The following ZNF385D variants were observed in gnomAD, a reference collection of about 807,000 sequenced individuals.
The protein encoded by ZNF385D is zinc finger protein 659.
ZNF385D carries 15 observed loss-of-function variants against 35.8 expected under a neutral mutation model. That is an observed-to-expected ratio of 0.42 (90% CI 0.28 to 0.64). The LOEUF (loss-of-function observed/expected upper bound fraction) is 0.64, where lower values mean the gene tolerates loss of function less well. ZNF385D is among the 30% of genes least tolerant of loss of function. The pLI, the probability that ZNF385D is intolerant of heterozygous loss-of-function variation, is 0.23. For synonymous variants in ZNF385D, 212 were observed against 186.8 expected, an observed-to-expected ratio of 1.13 and a Z score of -1.10; for missense variants, 474 against 494.6, an observed-to-expected ratio of 0.96 and a Z score of 0.39.
At chr3:22,090,271 T>C (rs1559360928) in intron 3 of ZNF385D, among the ~76,000 whole-genome samples, 1 of 152,206 alleles carries the variant, frequency 6.6e-6, no homozygotes, top group Non-Finnish European at 1.5e-5. Context: ...CTATGCTTCA[T>C]TGCAGTGCTG....
intron 5 of ZNF385D, among the ~76,000 whole-genome samples, chr3:21,426,579 T>G (rs1701038066): frequency 6.6e-6 from 1 of 152,188 alleles, no homozygotes; most frequent in African/African-American, 2.4e-5. Flanking sequence ...CATGTGTTTT[T>G]TCTGTGACAT....
intron 2 of ZNF385D, among the ~76,000 whole-genome samples, chr3:21,611,400 AAAAC>A (rs1341703805): frequency 3.9e-5 from 6 of 152,170 alleles, no homozygotes; most frequent in Admixed American, 6.5e-5. Flanking sequence ...GGGAAAAGCA[AAAAC>A]AAACAAACAA....
chr3:22,204,989 A>T (rs1481479014), intron 2 of ZNF385D, among the ~76,000 whole-genome samples: 8 of 151,596 alleles, frequency 5.3e-5, no homozygotes, highest in African/African-American at 1.9e-4. Flanking sequence ...CAAAAAAAAA[A>T]AAAAAAAAAA....
At chr3:21,474,514 GT>G (rs1237096344) in intron 4 of ZNF385D, among the ~76,000 whole-genome samples, 2 of 152,074 alleles carry the variant, frequency 1.3e-5, no homozygotes, top group Non-Finnish European at 2.9e-5. Flanking sequence ...CAAACACATT[GT>G]TTGGAGGTGA....
At chr3:21,567,754 G>T (rs1182194711) in intron 2 of ZNF385D, among the ~76,000 whole-genome samples, 1 of 152,112 alleles carries the variant, frequency 6.6e-6, no homozygotes, top group Non-Finnish European at 1.5e-5. Flanking sequence ...AATGAACTGT[G>T]TATGTATATC....
At chr3:21,843,237 G>C (rs977094923) in intron 3 of ZNF385D, among the ~76,000 whole-genome samples, 1 of 151,870 alleles carries the variant, frequency 6.6e-6, no homozygotes, top group Non-Finnish European at 1.5e-5. Context: ...TGGGGAAAAA[G>C]GTTTAAGAAC....
intron 2 of ZNF385D, among the ~76,000 whole-genome samples, chr3:22,224,351 T>G (rs1443969558): frequency 6.6e-6 from 1 of 152,166 alleles, no homozygotes; most frequent in African/African-American, 2.4e-5. Flanking sequence ...TAGATGTATT[T>G]TATTTGGATG....
chr3:21,535,966 A>T (rs2062026425), intron 3 of ZNF385D, among the ~76,000 whole-genome samples: 1 of 150,520 alleles, frequency 6.6e-6, no homozygotes, highest in South Asian at 2.1e-4. Context: ...ACTGGGATGA[A>T]GAAAATATCC....
intron 1 of ZNF385D, 82 bp from the exon 2 acceptor site, chr3:21,665,110 G>T: frequency 6.8e-7 from 1 of 1,467,406 alleles, no homozygotes; most frequent in East Asian, 2.4e-5. Context: ...GACAAAAAAG[G>T]CCAGCTTTGT....
chr3:22,060,202 A>G (rs1348413380), intron 3 of ZNF385D, among the ~76,000 whole-genome samples: 1 of 152,196 alleles, frequency 6.6e-6, no homozygotes, highest in Non-Finnish European at 1.5e-5. Flanking sequence ...TCTAGCTTGC[A>G]GATGACAGAT....
chr3:21,518,351 T>C (rs1707706800), intron 3 of ZNF385D, among the ~76,000 whole-genome samples: 1 of 152,180 alleles, frequency 6.6e-6, no homozygotes. Context: ...ACATTACATA[T>C]GAGTGCTTTC....
In ZNF385D at chr3:21,700,280, G is replaced by A. The variant is rs150856678; in HGVS notation, c.23-35252C>T. Among the ~76,000 whole-genome samples, 626 of 152,188 alleles carry A rather than the reference G, an allele frequency of 4.1e-3. 7 individuals carry two copies. Among genetic ancestry groups the A allele is most frequent in the African/African-American group, 0.014 (572 of 41,518 alleles). On this transcript the variant is annotated intron_variant, in intron 1 of 7. Coordinates refer to ENST00000281523, the MANE Select transcript of ZNF385D (RefSeq NM_024697.3). ...GGACCAGAAGGAAGTGGGGGAGTAA[G>A]CCATGTAGGTTTCTAGGGGAAGAAG...
At chr3:22,299,404 T>G (rs531090180) in intron 2 of ZNF385D, among the ~76,000 whole-genome samples, 1 of 151,770 alleles carries the variant, frequency 6.6e-6, no homozygotes, top group Non-Finnish European at 1.5e-5. Flanking sequence ...AAAGAAAGAT[T>G]ATACTACACG....
intron 3 of ZNF385D, among the ~76,000 whole-genome samples, chr3:22,096,650 A>G (rs895878665): frequency 2.0e-5 from 3 of 152,060 alleles, no homozygotes; most frequent in Non-Finnish European, 4.4e-5. Context: ...AATAAAATCA[A>G]AAAGACACCC....
At chr3:21,734,760 G>C (rs762805128) in intron 1 of ZNF385D, among the ~76,000 whole-genome samples, 6 of 152,146 alleles carry the variant, frequency 3.9e-5, no homozygotes, top group Non-Finnish European at 7.3e-5. Flanking sequence ...ACCTTTGGAG[G>C]CATTTTCATA....
intron 3 of ZNF385D, among the ~76,000 whole-genome samples, chr3:22,151,181 G>C (rs115359074): frequency 1.4e-3 from 220 of 152,178 alleles, no homozygotes; most frequent in African/African-American, 4.9e-3. Context: ...CATGGGGCAG[G>C]GGCACCCCTG....
At chr3:22,348,684 A>AAGGG (rs545721396) in intron 2 of ZNF385D, among the ~76,000 whole-genome samples, 233 of 139,314 alleles carry the variant, frequency 1.7e-3, no homozygotes, top group Middle Eastern at 3.6e-3. Context: ...GAAAGAAAGG[A>AAGGG]AGGGAGGGAG....
intron 2 of ZNF385D, among the ~76,000 whole-genome samples, chr3:21,613,214 T>C (rs953425417): frequency 3.3e-5 from 5 of 151,976 alleles, no homozygotes; most frequent in African/African-American, 1.2e-4. Flanking sequence ...ACAACAAATA[T>C]ATTTCATTAA....
intron 3 of ZNF385D, among the ~76,000 whole-genome samples, chr3:22,161,981 T>C (rs1260272971): frequency 6.6e-6 from 1 of 152,188 alleles, no homozygotes; most frequent in Non-Finnish European, 1.5e-5. Flanking sequence ...TCCTTGGCTA[T>C]GTTATTTTCA....
Sources: gnomAD v4.1 joint callset for allele counts (sites outside exome capture counted in the v4.1 genomes callset) on GRCh38, gnomAD v4.1.1 for gene constraint, MANE v1.5 for transcripts, NCBI Gene and HGNC (gene_info 2026-07-23, HGNC 2026-07-21) for gene names.